ANKRD36B: variants seen among roughly 807,000 people sequenced by gnomAD.
ANKRD36B encodes ankyrin repeat domain-containing protein 36B.
In ANKRD36B, 37 loss-of-function variants were observed where a neutral mutation model predicts 135.7. The observed-to-expected ratio is 0.27, with a 90% confidence interval of 0.21 to 0.36. The LOEUF is 0.36. Ranked by LOEUF, ANKRD36B falls within the 10% of genes least tolerant of loss-of-function variation. The pLI, the probability that ANKRD36B is intolerant of heterozygous loss-of-function variation, is 1.00. For missense variants in ANKRD36B, 549 were observed against 1,037.1 expected, an observed-to-expected ratio of 0.53 and a Z score of 6.46; for synonymous variants, 179 against 348.1, an observed-to-expected ratio of 0.51 and a Z score of 5.41.
chr2:97,528,959 G>C lies in ANKRD36B; in HGVS notation c.2265+3352C>G, dbSNP rs182487718. Among the ~76,000 whole-genome samples, 40 of 96,274 alleles carry C rather than the reference G, an allele frequency of 4.2e-4. 9 individuals carry two copies. In the East Asian group the frequency reaches 9.3e-3, roughly 22 times the overall value. The allele number at this position is 96,274 out of a possible 152,430, so 63.2% of individuals were successfully genotyped here. On this transcript the variant is annotated intron_variant, in intron 35 of 43. Transcript: ENST00000359901. ...TCCAGGACCAGATGGATTCACAGTC[G>C]CATTCTACCAGAGGTACAAGGAGGA...
Position 97,527,618 on chromosome 2 carries a change from TAA to T in ANKRD36B, c.2266-4153_2266-4152del, listed in dbSNP as rs1400954953. Reference sequence around the variant, plus strand: ...AAAAGACACAGACTGGCAAATTGGATAAAGAGTCAAGACCCATCAGTGTGCTG... The same window carrying T: ...AAAAGACACAGACTGGCAAATTGGATAGAGTCAAGACCCATCAGTGTGCTG... On this transcript the variant is annotated intron_variant, in intron 35 of 43. Coordinates refer to ENST00000359901, the MANE Select transcript of ANKRD36B (RefSeq NM_001393939.1). Among the ~76,000 whole-genome samples the T allele has an allele frequency of 4.2e-5, 4 of 95,580 alleles. 2 individuals carry two copies. The highest frequency in any genetic ancestry group is 1.1e-4 in the Non-Finnish European group (4 of 36,000). 62.7% of individuals were successfully genotyped at this position (95,580 alleles called of 152,430 possible).
At chr2:97,574,377 C>T (rs1166658609) in intron 6 of ANKRD36B, among the ~76,000 whole-genome samples, 1 of 152,042 alleles carries the variant, frequency 6.6e-6, no homozygotes, top group Admixed American at 6.6e-5. Context: ...ATCATTAAAA[C>T]GTCAGGAAAC....
At chr2:97,573,438 A>G (rs1052388744) in intron 6 of ANKRD36B, among the ~76,000 whole-genome samples, 2 of 152,174 alleles carry the variant, frequency 1.3e-5, no homozygotes, top group Non-Finnish European at 2.9e-5. Flanking sequence ...AGGAAGAATC[A>G]ATATCATGAA....
At chr2:97,585,639 C>G (rs1218397648) in intron 1 of ANKRD36B, among the ~76,000 whole-genome samples, 2 of 152,158 alleles carry the variant, frequency 1.3e-5, no homozygotes, top group Non-Finnish European at 2.9e-5. Flanking sequence ...TGTTATTTAG[C>G]CTTTCTTTGC....
intron 4 of ANKRD36B, among the ~76,000 whole-genome samples, chr2:97,579,537 T>G (rs975334991): frequency 1.4e-5 from 2 of 147,868 alleles, no homozygotes; most frequent in African/African-American, 4.9e-5. Context: ...TATATATATA[T>G]ATGGAGGATA....
At chr2:97,569,880 ATAACT>A (rs954206296) in intron 6 of ANKRD36B, among the ~76,000 whole-genome samples, 21 of 152,164 alleles carry the variant, frequency 1.4e-4, no homozygotes, top group South Asian at 2.1e-4. Context: ...CATAAAGCAA[ATAACT>A]TAACTGTATT....
Position 97,535,486 on chromosome 2 carries a change from A to AG in ANKRD36B, c.2191+813_2191+814insC, listed in dbSNP as rs368558270. On this transcript the variant is annotated intron_variant, in intron 34 of 43. Coordinates refer to ENST00000359901, the MANE Select transcript of ANKRD36B (RefSeq NM_001393939.1). ...ATTAAAATTAAAAACAAAAAAATAA[A>AG]ACACACACACACACACACACACACA... Among the ~76,000 whole-genome samples, 53 of 108,180 alleles carry AG rather than the reference A, an allele frequency of 4.9e-4. No individual in the cohort carries two copies. The South Asian group carries it at 5.1e-3, about 10-fold the overall frequency. The allele number at this position is 108,180 out of a possible 152,430, so 71.0% of individuals were successfully genotyped here.
intron 43 of ANKRD36B, among the ~76,000 whole-genome samples, chr2:97,496,833 G>GTATATATATATATATATATATATATA (rs56775263): frequency 3.2e-5 from 2 of 62,102 alleles, no homozygotes; most frequent in African/African-American, 1.8e-4. Context: ...ATATGTGTGT[G>GTATATATATATATATATATATATATA]TATATATATA....
At position 97,551,438 on chromosome 2, in the gene ANKRD36B, G is replaced by A. The variant is rs766605758; in HGVS notation, c.1302+14C>T. On this transcript the variant is annotated intron_variant, in intron 17 of 43. Coordinates refer to ENST00000359901, the MANE Select transcript of ANKRD36B (RefSeq NM_001393939.1). ...ACGTTTACTAGCTCACAATATAAAT[G>A]AGAGTTTCATTACCTTCAAGGCTGG... is the stretch of plus-strand genomic sequence containing the variant. 6.2e-7 allele frequency: 1 copy of A among 1,606,612 alleles called. No homozygotes were observed. The highest frequency in any genetic ancestry group is 8.5e-7 in the Non-Finnish European group (1 of 1,178,762).
At chr2:97,586,468 T>C (rs1293346067) in intron 1 of ANKRD36B, among the ~76,000 whole-genome samples, 4 of 151,934 alleles carry the variant, frequency 2.6e-5, no homozygotes, top group Non-Finnish European at 5.9e-5. Flanking sequence ...ATTTTAAATC[T>C]CAGCTTGCTC....
intron 1 of ANKRD36B, among the ~76,000 whole-genome samples, chr2:97,588,363 C>CA (rs1199509556): frequency 6.6e-6 from 1 of 151,726 alleles, no homozygotes; most frequent in African/African-American, 2.4e-5. Flanking sequence ...GTAATTGCGG[C>CA]AAAAACCGCA....
chr2:97,570,130 CAG>C (rs1470631008), intron 6 of ANKRD36B, among the ~76,000 whole-genome samples: 1 of 152,092 alleles, frequency 6.6e-6, no homozygotes, highest in Non-Finnish European at 1.5e-5. Flanking sequence ...AACTTCTGTA[CAG>C]AGACCTGTTA....
chr2:97,571,697 G>T (rs2081887649), intron 6 of ANKRD36B, among the ~76,000 whole-genome samples: 1 of 151,944 alleles, frequency 6.6e-6, no homozygotes, highest in Non-Finnish European at 1.5e-5. Flanking sequence ...CATCATTCAG[G>T]TCATTGTGAT....
chr2:97,562,762 G>A (rs1317167035), intron 6 of ANKRD36B, among the ~76,000 whole-genome samples: 2 of 151,990 alleles, frequency 1.3e-5, no homozygotes, highest in Admixed American at 1.3e-4. Context: ...TGACACATGT[G>A]AAGATAAGGT....
chr2:97,564,257 T>C (rs1014438950), intron 6 of ANKRD36B, among the ~76,000 whole-genome samples: 1 of 152,116 alleles, frequency 6.6e-6, no homozygotes, highest in Non-Finnish European at 1.5e-5. Context: ...TCAGAATGAC[T>C]GTCTTAAAGG....
At chr2:97,564,239 A>T (rs1333254957) in intron 6 of ANKRD36B, among the ~76,000 whole-genome samples, 3 of 152,150 alleles carry the variant, frequency 2.0e-5, no homozygotes. Flanking sequence ...CCCTAAGACC[A>T]TAACAGCTCA....
chr2:97,504,497 G>A (rs553358915), intron 43 of ANKRD36B, among the ~76,000 whole-genome samples: 2 of 74,462 alleles, frequency 2.7e-5, no homozygotes, highest in East Asian at 2.5e-4. Context: ...TGGCCGAGGC[G>A]GGCAGATCAC....
intron 6 of ANKRD36B, among the ~76,000 whole-genome samples, chr2:97,563,100 T>A (rs896357290): frequency 6.6e-5 from 10 of 152,092 alleles, no homozygotes; most frequent in Non-Finnish European, 1.2e-4. Flanking sequence ...TAACTACCCA[T>A]AGCACCACTA....
chr2:97,568,993 A>G (rs2081640210), intron 6 of ANKRD36B, among the ~76,000 whole-genome samples: 1 of 152,176 alleles, frequency 6.6e-6, no homozygotes, highest in Non-Finnish European at 1.5e-5. Flanking sequence ...TAGCTGGTCT[A>G]TTTCCAACTG....
Sources: allele counts gnomAD v4.1 joint callset (sites outside exome capture counted in the v4.1 genomes callset), GRCh38; gene constraint gnomAD v4.1.1; transcripts MANE v1.5; gene names NCBI Gene and HGNC (gene_info 2026-07-23, HGNC 2026-07-21).